ANK2: variants seen among roughly 807,000 people sequenced by gnomAD.
ANK2 encodes the protein ankyrin 2.
Under a neutral mutation model 360.5 loss-of-function variants are expected in ANK2, and 83 were observed. The ratio of observed to expected loss-of-function variants is 0.23; its 90% CI spans 0.19 to 0.28. The LOEUF (loss-of-function observed/expected upper bound fraction) is 0.28. Ranked by LOEUF, ANK2 falls within the 10% of genes least tolerant of loss-of-function variation. The pLI is 1.00. For synonymous variants in ANK2, 1,740 were observed against 1,759.5 expected (o/e 0.99, Z 0.28); for missense variants, 4,201 against 4,795.7 (o/e 0.88, Z 3.66).
chr4:113,135,986 T>G (rs188902382), intron 1 of ANK2, among the ~76,000 whole-genome samples: 28 of 152,360 alleles, frequency 1.8e-4, no homozygotes, highest in Admixed American at 1.8e-3. Context: ...TGTCTCTTTT[T>G]ATTTAAATGT....
chr4:113,292,570 T>C, intron 21 of ANK2, 56 bp downstream of exon 21: 1 of 1,489,346 alleles, frequency 6.7e-7, no homozygotes, highest in Admixed American at 1.9e-5. Flanking sequence ...TCTCTTGCCC[T>C]GGTGGCTTCT....
rs565764449 is a variant in ANK2 at position 113,328,984 on chromosome 4, GT to G, written c.2901-1260del. 3.3e-3 allele frequency among the ~76,000 whole-genome samples: 505 copies of G among 152,260 alleles called. 2 individuals carry two copies. Among genetic ancestry groups the G allele is most frequent in the African/African-American group, 0.012 (487 of 41,546 alleles). ...GCAATATCTAGGTGGGACAAATCCA[GT>G]TGGTTCTGTGCTGAGCAGATTATAA... On this transcript the variant is annotated intron_variant, in intron 26 of 45. Transcript: ENST00000357077.
intron 40 of ANK2, among the ~76,000 whole-genome samples, chr4:113,364,257 A>G (rs2096407127): frequency 6.6e-6 from 1 of 152,186 alleles, no homozygotes. Flanking sequence ...TCAGTGTTTA[A>G]TATTAAAAGT....
At position 113,123,351 on chromosome 4, in the gene ANK2, T is replaced by A. The variant is rs2095482364; in HGVS notation, c.85-51065T>A. 3.3e-5 allele frequency among the ~76,000 whole-genome samples: 5 copies of A among 152,270 alleles called. No individual in the cohort carries two copies. In the South Asian group the frequency reaches 1.0e-3, roughly 32 times the overall value. On this transcript the variant is annotated intron_variant, in intron 1 of 45. Coordinates refer to ENST00000357077, the MANE Select transcript of ANK2 (RefSeq NM_001148.6). ...ACAGAAAATATTTTATAGAAAGATTTAAGAGTCAGTGAAAGTACAAGCAAG... is the reference window on the plus strand; with the variant it reads ...ACAGAAAATATTTTATAGAAAGATTAAAGAGTCAGTGAAAGTACAAGCAAG...
chr4:112,790,141 A>G, the ANK2 span, among the ~76,000 whole-genome samples: 1 of 152,200 alleles, frequency 6.6e-6, no homozygotes, highest in Non-Finnish European at 1.5e-5. Flanking sequence ...ATAGCTTGCT[A>G]TAGTGGACTA....
chr4:113,170,288 G>A (rs1024446211), intron 1 of ANK2, among the ~76,000 whole-genome samples: 2 of 152,176 alleles, frequency 1.3e-5, no homozygotes, highest in Admixed American at 6.5e-5. Context: ...TATGAAGATA[G>A]CATCTGAGCA....
At chr4:113,181,962 G>C (rs1298289723) in intron 2 of ANK2, among the ~76,000 whole-genome samples, 1 of 150,068 alleles carries the variant, frequency 6.7e-6, no homozygotes, top group East Asian at 2.0e-4. Flanking sequence ...GACATACGCT[G>C]ACGAGTCTTA....
intron 1 of ANK2, among the ~76,000 whole-genome samples, chr4:113,065,413 T>C (rs1166733724): frequency 6.6e-6 from 1 of 152,236 alleles, no homozygotes; most frequent in African/African-American, 2.4e-5. Flanking sequence ...CTTTAATGTG[T>C]GATTCATACT....
chr4:112,881,791 G>C, intron 1 of ANK2: 1 of 835,722 alleles, frequency 1.2e-6, no homozygotes, highest in Non-Finnish European at 2.0e-6. Context: ...ACTTTTAGTT[G>C]ATGTTCTTCA....
At chr4:112,827,344 C>A in intron 1 of ANK2, 1 of 1,274,714 alleles carries the variant, frequency 7.8e-7, no homozygotes, top group Non-Finnish European at 1.1e-6. Flanking sequence ...GTTACAGCAA[C>A]TGGAACTTGA....
At chr4:112,987,638 C>G (rs2045383274) in intron 2 of ANK2, among the ~76,000 whole-genome samples, 1 of 150,614 alleles carries the variant, frequency 6.6e-6, no homozygotes, top group Admixed American at 6.6e-5. Context: ...TCTGTGAGAG[C>G]AGTGTTGGAA....
At chr4:113,349,775 A>C (rs756329846) in intron 36 of ANK2, among the ~76,000 whole-genome samples, 37 of 152,112 alleles carry the variant, frequency 2.4e-4, no homozygotes, top group Non-Finnish European at 4.1e-4. Context: ...GATCCAGTTC[A>C]TATTCTTTTC....
At chr4:113,188,083 T>C (rs927866939) in intron 2 of ANK2, among the ~76,000 whole-genome samples, 2 of 152,272 alleles carry the variant, frequency 1.3e-5, no homozygotes, top group South Asian at 2.1e-4. Flanking sequence ...TGAAAATCAA[T>C]TGTGTTGTGC....
At chr4:113,043,505 A>G (rs2063487607) in intron 2 of ANK2, among the ~76,000 whole-genome samples, 1 of 151,826 alleles carries the variant, frequency 6.6e-6, no homozygotes, top group African/African-American at 2.4e-5. Flanking sequence ...TCCTGGGCTT[A>G]AGTGGTCTTC....
intron 2 of ANK2, among the ~76,000 whole-genome samples, chr4:112,958,094 G>A (rs2031805645): frequency 6.7e-6 from 1 of 148,786 alleles, no homozygotes; most frequent in East Asian, 2.0e-4. Context: ...GGGCAGAGAC[G>A]CTCCTCACTT....
At chr4:112,928,739 A>G (rs535947733) in intron 2 of ANK2, among the ~76,000 whole-genome samples, 7 of 152,290 alleles carry the variant, frequency 4.6e-5, no homozygotes, top group South Asian at 4.1e-4. Context: ...TCTGCAAGCT[A>G]AAGAGAGAGG....
intron 1 of ANK2, among the ~76,000 whole-genome samples, chr4:112,873,629 C>T (rs1445396604): frequency 4.7e-5 from 7 of 150,526 alleles, no homozygotes; most frequent in Non-Finnish European, 8.9e-5. Flanking sequence ...CTCCGCCTCC[C>T]GGGTTCACAC....
chr4:113,104,594 G>A lies in ANK2; in HGVS notation c.84+54782G>A, dbSNP rs543091278. Among the ~76,000 whole-genome samples, 590 of 152,138 alleles carry A rather than the reference G, an allele frequency of 3.9e-3. 3 individuals are homozygous for A. The highest frequency in any genetic ancestry group is 5.8e-3 in the Non-Finnish European group (397 of 67,966). ...GCTGGGTGTGGTAACACACGTCTGTGGTCTCAGCTACTTTGGAGGCTGAGG... is the reference window on the plus strand; with the variant it reads ...GCTGGGTGTGGTAACACACGTCTGTAGTCTCAGCTACTTTGGAGGCTGAGG... On this transcript the variant is annotated intron_variant, in intron 1 of 45. Coordinates refer to ENST00000357077, the MANE Select transcript of ANK2 (RefSeq NM_001148.6).
intron 1 of ANK2, among the ~76,000 whole-genome samples, chr4:113,057,743 A>G (rs565738351): frequency 8.5e-5 from 13 of 152,236 alleles, no homozygotes; most frequent in Non-Finnish European, 1.5e-4. Flanking sequence ...AGTAGGGACA[A>G]TTTTTGAAAG....
Sources: allele counts gnomAD v4.1 joint callset (sites outside exome capture counted in the v4.1 genomes callset), GRCh38; gene constraint gnomAD v4.1.1; transcripts MANE v1.5; gene names NCBI Gene and HGNC (gene_info 2026-07-23, HGNC 2026-07-21).